Variants in ABCA1 observed in about 807,000 individuals in gnomAD.
ABCA1 encodes the protein ATP binding cassette subfamily A member 1.
ABCA1 carries 133 observed loss-of-function variants against 262.5 expected under a neutral mutation model. That is an observed-to-expected ratio of 0.51 (90% confidence interval 0.44 to 0.59). The LOEUF (loss-of-function observed/expected upper bound fraction) is 0.59, where lower values mean the gene tolerates loss of function less well. ABCA1 is among the 20% of genes least tolerant of loss of function. The pLI is 0.00. For synonymous variants in ABCA1, 1,022 were observed against 1,043.5 expected, an observed-to-expected ratio of 0.98 and a Z score of 0.40; for missense variants, 2,452 against 2,777.5, an observed-to-expected ratio of 0.88 and a Z score of 2.63.
intron 8 of ABCA1, among the ~76,000 whole-genome samples, chr9:104,842,744 C>G (rs919397814): frequency 6.6e-6 from 1 of 152,114 alleles, no homozygotes; most frequent in Non-Finnish European, 1.5e-5. Flanking sequence ...CCTCCCTTTC[C>G]CCCATCCCAG....
At chr9:104,869,310 T>A (rs188813677) in intron 5 of ABCA1, among the ~76,000 whole-genome samples, 2 of 139,278 alleles carry the variant, frequency 1.4e-5, no homozygotes, top group East Asian at 5.2e-4. Context: ...AATGGACCCC[T>A]GGGGTGGGGG....
chr9:104,893,552 T>C (rs574348442), intron 2 of ABCA1, among the ~76,000 whole-genome samples: 19 of 151,660 alleles, frequency 1.3e-4, no homozygotes, highest in Non-Finnish European at 1.9e-4. Flanking sequence ...GAAACTACCA[T>C]TTGTACTTTA....
At chr9:104,863,234 T>A (rs1340239023) in intron 5 of ABCA1, among the ~76,000 whole-genome samples, 1 of 152,214 alleles carries the variant, frequency 6.6e-6, no homozygotes, top group African/African-American at 2.4e-5. Context: ...TCTGACCAGA[T>A]GCTTGGTAGG....
chr9:104,822,769 T>C, intron 18 of ABCA1, 102 bp from the exon 19 acceptor site: 1 of 1,355,986 alleles, frequency 7.4e-7, no homozygotes, highest in Non-Finnish European at 1.0e-6. Context: ...GTGCCTTCTC[T>C]CCATGTCCAC....
intron 44 of ABCA1, among the ~76,000 whole-genome samples, chr9:104,790,526 G>T (rs1588201966): frequency 1.3e-5 from 2 of 152,186 alleles, no homozygotes; most frequent in Non-Finnish European, 2.9e-5. Flanking sequence ...CATACAGTAT[G>T]ATCTCAATTG....
At position 104,827,024 on chromosome 9, in the gene ABCA1, T is replaced by C. The variant is rs567334879; in HGVS notation, c.2261A>G (p.Tyr754Cys). 1.2e-6 allele frequency: 2 copies of C among 1,614,168 alleles called. No individual in the cohort carries two copies. The highest frequency in any genetic ancestry group is 1.7e-6 in the Non-Finnish European group (2 of 1,180,030). Residue 754 changes from tyrosine to cysteine, a missense_variant, in exon 16 of 50, where the codon TAC becomes TGC. Transcript: ENST00000374736. Reference protein sequence around the residue: ...NLAAACGGIIYFTLYLPYVLC... With the variant: ...NLAAACGGIICFTLYLPYVLC... ...GACGTAGGGCAGGTACAGCGTGAAG[T>C]AGATGATGCCCCCACAGGCTGCTGC...
At chr9:104,899,676 A>G (rs758284985) in intron 2 of ABCA1, among the ~76,000 whole-genome samples, 2 of 152,122 alleles carry the variant, frequency 1.3e-5, no homozygotes, top group Non-Finnish European at 2.9e-5. Context: ...CCTGGGCAAT[A>G]GAGTGAGACT....
rs1388254764 is a variant in ABCA1 at position 104,829,018 on chromosome 9, C to T, written c.2013G>A (p.Met671Ile). 6.2e-7 allele frequency: 1 copy of T among 1,614,190 alleles called. No individual in the cohort carries two copies. The highest frequency in any genetic ancestry group is 8.5e-7 in the Non-Finnish European group (1 of 1,180,038). ...YEKEARLKETMRIMGLDNSIL... is the reference protein window; with the variant it reads ...YEKEARLKETIRIMGLDNSIL... The stretch of plus-strand genomic sequence containing the variant: ...TGCTGTTGTCCAGGCCCATGATCCG[C>T]ATGGTCTCTTTCAGCCGTGCCTCCT... The change falls in exon 15 of 50, where the codon ATG becomes ATA. Residue 671 changes from methionine to isoleucine, a missense_variant. Coordinates refer to ENST00000374736, the MANE Select transcript of ABCA1 (RefSeq NM_005502.4).
At chr9:104,874,598 C>A (rs997225760) in intron 5 of ABCA1, among the ~76,000 whole-genome samples, 13 of 151,724 alleles carry the variant, frequency 8.6e-5, no homozygotes, top group South Asian at 2.1e-4. Context: ...AACAAACAAA[C>A]AAAAAAACAG....
chr9:104,916,829 G>A (rs1841874122), intron 1 of ABCA1, among the ~76,000 whole-genome samples: 1 of 152,134 alleles, frequency 6.6e-6, no homozygotes, highest in African/African-American at 2.4e-5. Context: ...ACAGGTGTGA[G>A]CCACCGTGCC....
At chr9:104,803,712 A>G (rs3780538) in intron 32 of ABCA1, among the ~76,000 whole-genome samples, 10,283 of 152,034 alleles carry the variant, frequency 0.068, 430 homozygotes, top group East Asian at 0.22. Flanking sequence ...GATTCAAGCA[A>G]TTCTCCTGCC....
At chr9:104,798,130 C>T (rs116800228) in intron 37 of ABCA1, among the ~76,000 whole-genome samples, 321 of 152,306 alleles carry the variant, frequency 2.1e-3, no homozygotes, top group African/African-American at 7.4e-3. Flanking sequence ...GGAGTTTTGA[C>T]TTGTATCTCT....
chr9:104,841,644 C>A (rs895152788), intron 8 of ABCA1, among the ~76,000 whole-genome samples: 1 of 121,510 alleles, frequency 8.2e-6, no homozygotes, highest in African/African-American at 3.6e-5. Context: ...CTGGACACTG[C>A]CCTCTACTCA....
intron 6 of ABCA1, among the ~76,000 whole-genome samples, chr9:104,859,421 A>G (rs546313433): frequency 6.9e-6 from 1 of 144,534 alleles, no homozygotes; most frequent in East Asian, 1.9e-4. Flanking sequence ...GAGCCTGTTT[A>G]TCCTGCTCAC....
intron 12 of ABCA1, 82 bp from the exon 13 acceptor site, chr9:104,831,909 A>C: frequency 8.1e-7 from 1 of 1,239,640 alleles, no homozygotes; most frequent in Non-Finnish European, 1.2e-6. Flanking sequence ...ACTAGGAGGC[A>C]AGGGCTGACT....
At chr9:104,906,580 G>A (rs182435594) in intron 1 of ABCA1, among the ~76,000 whole-genome samples, 308 of 151,958 alleles carry the variant, frequency 2.0e-3, no homozygotes, top group Middle Eastern at 6.8e-3. Context: ...CACTGACCTG[G>A]CCTCCTGCAC....
At chr9:104,828,684 C>A (rs1368299555) in intron 15 of ABCA1, among the ~76,000 whole-genome samples, 3 of 152,196 alleles carry the variant, frequency 2.0e-5, no homozygotes, top group Non-Finnish European at 4.4e-5. Flanking sequence ...AAGCATGAAC[C>A]CTGCACTCTC....
chr9:104,847,058 C>T (rs1449181421), intron 7 of ABCA1, among the ~76,000 whole-genome samples: 1 of 152,078 alleles, frequency 6.6e-6, no homozygotes, highest in East Asian at 1.9e-4. Flanking sequence ...GTTAGGCCTA[C>T]AAGATGACAG....
intron 1 of ABCA1, among the ~76,000 whole-genome samples, chr9:104,904,048 A>G (rs1840887306): frequency 6.6e-6 from 1 of 152,218 alleles, no homozygotes; most frequent in Admixed American, 6.5e-5. Flanking sequence ...TGAAGAATGC[A>G]TTTCTGAAAA....
Sources: allele counts gnomAD v4.1 joint callset (sites outside exome capture counted in the v4.1 genomes callset), GRCh38; gene constraint gnomAD v4.1.1; transcripts MANE v1.5; gene names NCBI Gene and HGNC (gene_info 2026-07-23, HGNC 2026-07-21).